The following CRYZL1 variants were observed in gnomAD, a reference collection of about 807,000 sequenced individuals.
CRYZL1 encodes ferry endosomal RAB5 effector complex subunit 4.
A neutral mutation model predicts 50.6 loss-of-function variants in CRYZL1; 34 were observed. The ratio of observed to expected loss-of-function variants is 0.67; its 90% confidence interval spans 0.51 to 0.89. The LOEUF (loss-of-function observed/expected upper bound fraction) is 0.89. Ranked by LOEUF, CRYZL1 falls within the 40% of genes least tolerant of loss-of-function variation. CRYZL1 has a pLI of 0.00. For synonymous variants in CRYZL1, 125 were observed against 134.3 expected (o/e 0.93, Z 0.48); for missense variants, 354 against 402.3 (o/e 0.88, Z 1.03).
chr21:33,594,582 G>C (rs1038118944), intron 11 of CRYZL1: 7 of 151,692 alleles, frequency 4.6e-5, no homozygotes, highest in Non-Finnish European at 8.8e-5. Flanking sequence ...ACTACATGAA[G>C]GGGTTTTGAA....
chr21:33,613,170 T>C (rs2086891384), intron 6 of CRYZL1, among the ~76,000 whole-genome samples: 1 of 152,192 alleles, frequency 6.6e-6, no homozygotes. Context: ...ACTCTCCATG[T>C]ACTGTCTAAA....
chr21:33,599,053 A>G (rs2086723735), intron 9 of CRYZL1, 97 bp downstream of exon 9: 3 of 1,024,774 alleles, frequency 2.9e-6, no homozygotes, highest in East Asian at 2.5e-5. Context: ...ATCTGGTTTA[A>G]TAAGTGCATT....
chr21:33,607,528 A>G (rs1403212765), intron 6 of CRYZL1, among the ~76,000 whole-genome samples: 1 of 152,150 alleles, frequency 6.6e-6, no homozygotes. Flanking sequence ...GCTACTTGGG[A>G]GGCTGAGGTG....
At chr21:33,636,564 G>T (rs1266488463) in intron 1 of CRYZL1, among the ~76,000 whole-genome samples, 3 of 152,030 alleles carry the variant, frequency 2.0e-5, no homozygotes, top group Admixed American at 1.3e-4. Context: ...AAAAAATCTG[G>T]AGAAACAAAA....
At chr21:33,620,264 C>T (rs1251023524) in intron 4 of CRYZL1, among the ~76,000 whole-genome samples, 2 of 152,056 alleles carry the variant, frequency 1.3e-5, no homozygotes, top group Non-Finnish European at 2.9e-5. Context: ...AAAGCAAACA[C>T]GTTAATCATG....
intron 11 of CRYZL1, 24 bp downstream of exon 11, chr21:33,595,707 T>C (rs764081407): frequency 6.2e-7 from 1 of 1,611,836 alleles, no homozygotes; most frequent in Non-Finnish European, 8.5e-7. Context: ...AGCCAGAAAC[T>C]CAATCAGTCG....
At chr21:33,611,428 T>C (rs1159633989) in intron 6 of CRYZL1, among the ~76,000 whole-genome samples, 1 of 152,130 alleles carries the variant, frequency 6.6e-6, no homozygotes, top group Non-Finnish European at 1.5e-5. Flanking sequence ...TTAGATATAA[T>C]GAATGACATT....
rs774252592 is a variant in CRYZL1 at position 33,599,167 on chromosome 21, A to AT, written c.658dup (p.Ile220AsnfsTer11). The stretch of plus-strand genomic sequence containing the variant: ...GTACCTACCTCCAGCATCTAGGACA[A>AT]TATCTACTCCCAGGCCACCTGTTTC... On this transcript the variant is annotated frameshift_variant, in exon 9 of 13. Transcript: ENST00000381554. LOFTEE classifies it high-confidence loss of function. 3 of 1,614,096 alleles carry AT rather than the reference A, an allele frequency of 1.9e-6. No homozygotes were observed. The highest frequency in any genetic ancestry group is 1.7e-5 in the Admixed American group (1 of 60,022).
intron 2 of CRYZL1, among the ~76,000 whole-genome samples, chr21:33,629,880 GC>G (rs2087117656): frequency 6.6e-6 from 1 of 152,040 alleles, no homozygotes; most frequent in African/African-American, 2.4e-5. Context: ...GTTATACATG[GC>G]TTTTATTATA....
At chr21:33,629,476 T>A (rs908667691) in intron 2 of CRYZL1, among the ~76,000 whole-genome samples, 1 of 152,220 alleles carries the variant, frequency 6.6e-6, no homozygotes, top group Admixed American at 6.5e-5. Context: ...TTGCCCAGGC[T>A]GGTCTTGAAC....
intron 4 of CRYZL1, among the ~76,000 whole-genome samples, chr21:33,617,786 G>C (rs1181764614): frequency 1.3e-5 from 2 of 152,148 alleles, no homozygotes; most frequent in East Asian, 3.9e-4. Context: ...GTTAGGACAG[G>C]GGTCGATCTT....
chr21:33,605,025 G>A (rs1418481444), intron 6 of CRYZL1, among the ~76,000 whole-genome samples: 1 of 152,142 alleles, frequency 6.6e-6, no homozygotes, highest in African/African-American at 2.4e-5. Flanking sequence ...AATTATGTAG[G>A]TAGGTAATAG....
chr21:33,641,103 G>A (rs767447328), intron 1 of CRYZL1: 2 of 1,541,954 alleles, frequency 1.3e-6, no homozygotes, highest in Non-Finnish European at 1.7e-6. Flanking sequence ...TCATAACGTG[G>A]ACAGCAGCAC....
chr21:33,611,434 A>G (rs557678839), intron 6 of CRYZL1, among the ~76,000 whole-genome samples: 1 of 152,144 alleles, frequency 6.6e-6, no homozygotes, highest in Non-Finnish European at 1.5e-5. Flanking sequence ...ATAATGAATG[A>G]CATTAATTTA....
chr21:33,636,597 A>T (rs1339405489), intron 1 of CRYZL1, among the ~76,000 whole-genome samples: 1 of 152,262 alleles, frequency 6.6e-6, no homozygotes, highest in African/African-American at 2.4e-5. Flanking sequence ...ATACCAATTT[A>T]GAATAATTTT....
At position 33,609,617 on chromosome 21, in the gene CRYZL1, CTT is replaced by C. The variant is rs555136408; in HGVS notation, c.331+3919_331+3920del. Reference sequence around the variant, plus strand: ...GTGAGCTACTGTGCTTGGCCTAGTACTTTTTTTTTTTAAACAAACTTTTTGTT... The same window carrying C: ...GTGAGCTACTGTGCTTGGCCTAGTACTTTTTTTTTAAACAAACTTTTTGTT... On this transcript the variant is annotated intron_variant, in intron 6 of 12. Transcript: ENST00000381554. Among the ~76,000 whole-genome samples the C allele has an allele frequency of 2.1e-5, 3 of 143,118 alleles. No individual in the cohort carries two copies. The Admixed American group carries it at 2.1e-4, about 10-fold the overall frequency. The allele number at this position is 143,118 out of a possible 152,430, so 93.9% of individuals were successfully genotyped here. A position where few individuals can be genotyped will look rare whatever the true frequency, so the allele number is the denominator to read the frequency against.
At chr21:33,636,095 G>C (rs1330666024) in intron 1 of CRYZL1, among the ~76,000 whole-genome samples, 3 of 152,058 alleles carry the variant, frequency 2.0e-5, no homozygotes, top group African/African-American at 7.2e-5. Flanking sequence ...TACCAAAAAA[G>C]TATGATATAA....
intron 8 of CRYZL1, among the ~76,000 whole-genome samples, chr21:33,600,263 G>C (rs1475485697): frequency 6.6e-6 from 1 of 152,096 alleles, no homozygotes; most frequent in Non-Finnish European, 1.5e-5. Context: ...AGGAAAAGGA[G>C]CATGATTTTT....
chr21:33,610,866 G>C (rs1373743759), intron 6 of CRYZL1, among the ~76,000 whole-genome samples: 2 of 151,082 alleles, frequency 1.3e-5, no homozygotes, highest in Admixed American at 6.6e-5. Context: ...CGAGTAGCTG[G>C]GATTACAGGC....
Sources: allele counts gnomAD v4.1 joint callset (sites outside exome capture counted in the v4.1 genomes callset), GRCh38; gene constraint gnomAD v4.1.1; transcripts MANE v1.5; gene names NCBI Gene and HGNC (gene_info 2026-07-23, HGNC 2026-07-21).